UBE3C: variants seen among roughly 807,000 people sequenced by gnomAD.
UBE3C encodes the protein ubiquitin-protein ligase E3C.
UBE3C carries 42 observed loss-of-function variants against 129.4 expected under a neutral mutation model. The ratio of observed to expected loss-of-function variants is 0.32; its 90% CI spans 0.25 to 0.42. UBE3C has a LOEUF of 0.42. UBE3C is among the 10% of genes least tolerant of loss of function. The probability of loss-of-function intolerance (pLI) is 1.00; values close to 1 mark genes in which losing one functional copy is unlikely to be tolerated. For missense variants in UBE3C, 1,049 were observed against 1,319.1 expected, an observed-to-expected ratio of 0.80 and a Z score of 3.17; for synonymous variants, 510 against 492.4, an observed-to-expected ratio of 1.04 and a Z score of -0.47.
intron 10 of UBE3C, among the ~76,000 whole-genome samples, chr7:157,196,529 C>A (rs1809125108): frequency 6.6e-6 from 1 of 152,120 alleles, no homozygotes; most frequent in African/African-American, 2.4e-5. Flanking sequence ...AGGTTGAGCA[C>A]ATAGAAGAGT....
chr7:157,224,087 C>T (rs888717052), intron 16 of UBE3C, among the ~76,000 whole-genome samples: 1 of 152,126 alleles, frequency 6.6e-6, no homozygotes, highest in African/African-American at 2.4e-5. Flanking sequence ...TAGCTCACAG[C>T]AGCCTCAAAC....
intron 9 of UBE3C, among the ~76,000 whole-genome samples, chr7:157,185,666 C>A (rs1323349873): frequency 6.6e-6 from 1 of 152,122 alleles, no homozygotes; most frequent in Non-Finnish European, 1.5e-5. Flanking sequence ...GGTCAAAGTT[C>A]ACCCTTGATA....
intron 17 of UBE3C, among the ~76,000 whole-genome samples, chr7:157,229,849 G>A (rs1291017982): frequency 1.3e-5 from 2 of 152,192 alleles, no homozygotes; most frequent in Non-Finnish European, 2.9e-5. Context: ...CTGGCCTCAG[G>A]CAGTCCTTCT....
At chr7:157,148,935 T>C (rs1459127320) in intron 1 of UBE3C, among the ~76,000 whole-genome samples, 1 of 152,140 alleles carries the variant, frequency 6.6e-6, no homozygotes, top group Admixed American at 6.5e-5. Flanking sequence ...AAAATGTTAA[T>C]TGACTGTCAG....
At chr7:157,218,735 CTG>C (rs1288625643) in intron 14 of UBE3C, among the ~76,000 whole-genome samples, 1 of 152,078 alleles carries the variant, frequency 6.6e-6, no homozygotes, top group Non-Finnish European at 1.5e-5. Context: ...GTGGAGTGCT[CTG>C]TCATGCTGGA....
At chr7:157,257,919 G>A (rs1272373566) in intron 22 of UBE3C, among the ~76,000 whole-genome samples, 1 of 150,496 alleles carries the variant, frequency 6.6e-6, no homozygotes, top group Non-Finnish European at 1.5e-5. Flanking sequence ...AAACTTCATA[G>A]GCATTCACTT....
At chr7:157,164,583 G>A (rs1808163398) in intron 2 of UBE3C, 1 of 377,154 alleles carries the variant, frequency 2.7e-6, no homozygotes, top group South Asian at 2.0e-5. Flanking sequence ...GTTATATCTT[G>A]TGATAGTTTC....
chr7:157,179,872 A>C (rs996968498), intron 6 of UBE3C, among the ~76,000 whole-genome samples: 45 of 152,214 alleles, frequency 3.0e-4, no homozygotes, highest in African/African-American at 9.9e-4. Context: ...TAGTTTGTTG[A>C]AAACTTAGGG....
chr7:157,173,208 AAAAC>A (rs757095865), intron 4 of UBE3C, among the ~76,000 whole-genome samples: 11 of 152,152 alleles, frequency 7.2e-5, no homozygotes, highest in Non-Finnish European at 1.6e-4. Flanking sequence ...CCCCACCTGT[AAAAC>A]AAAGCAAAAA....
intron 13 of UBE3C, among the ~76,000 whole-genome samples, chr7:157,210,599 CTA>C (rs1280428824): frequency 6.6e-6 from 1 of 152,174 alleles, no homozygotes; most frequent in African/African-American, 2.4e-5. Flanking sequence ...GAACCAGCTG[CTA>C]TTCTACACTC....
chr7:157,226,260 AGT>A (rs1795875735), intron 17 of UBE3C, among the ~76,000 whole-genome samples: 1 of 152,220 alleles, frequency 6.6e-6, no homozygotes, highest in Non-Finnish European at 1.5e-5. Context: ...TGAAAAGATA[AGT>A]GTGCTCCAAT....
chr7:157,211,890 G>C (rs1231617397), intron 13 of UBE3C, among the ~76,000 whole-genome samples: 2 of 152,178 alleles, frequency 1.3e-5, no homozygotes, highest in East Asian at 3.9e-4. Context: ...GTGGGAAACA[G>C]CAAACCACAG....
At chr7:157,244,148 T>C (rs1796416507) in intron 18 of UBE3C, among the ~76,000 whole-genome samples, 1 of 152,136 alleles carries the variant, frequency 6.6e-6, no homozygotes, top group Non-Finnish European at 1.5e-5. Flanking sequence ...GAGAATCGCT[T>C]GAACCCAGGA....
At chr7:157,176,372 T>C (rs1188902876) in intron 5 of UBE3C, among the ~76,000 whole-genome samples, 1 of 152,198 alleles carries the variant, frequency 6.6e-6, no homozygotes, top group Non-Finnish European at 1.5e-5. Context: ...CCTCCTGGGT[T>C]CAAGCAGTTC....
At chr7:157,261,344 A>G (rs1378676556) in intron 22 of UBE3C, among the ~76,000 whole-genome samples, 2 of 148,702 alleles carry the variant, frequency 1.3e-5, no homozygotes, top group Non-Finnish European at 3.0e-5. Context: ...AAAAAATCCC[A>G]AATAGACTAA....
chr7:157,191,249 G>A (rs952102523), intron 10 of UBE3C, among the ~76,000 whole-genome samples: 3 of 152,270 alleles, frequency 2.0e-5, no homozygotes, highest in East Asian at 3.9e-4. Flanking sequence ...CTGTGCACGC[G>A]CGTGTGTATG....
rs1300025136 is a variant in UBE3C, at chr7:157,154,225, G to A, written c.67-9585G>A. ...AATCCCAGCAACTTGGGAGACTGAG[G>A]CGGAGAATTGCTTGAACCTGGGAGG... On this transcript the variant is annotated intron_variant, in intron 1 of 22. Transcript: ENST00000348165. Among the ~76,000 whole-genome samples, 3 of 151,840 alleles carry A rather than the reference G, an allele frequency of 2.0e-5. 1 individual carries two copies. The highest frequency in any genetic ancestry group is 3.9e-4 in the East Asian group (2 of 5,162).
intron 15 of UBE3C, chr7:157,221,623 T>G (rs918680482): frequency 6.6e-6 from 1 of 152,118 alleles, no homozygotes; most frequent in African/African-American, 2.4e-5. Flanking sequence ...GCACCTGTAA[T>G]CTCAGCTACT....
At chr7:157,240,706 C>CAAGGG (rs1202425537) in intron 18 of UBE3C, among the ~76,000 whole-genome samples, 1 of 152,096 alleles carries the variant, frequency 6.6e-6, no homozygotes, top group Non-Finnish European at 1.5e-5. Context: ...GATTTGAGGG[C>CAAGGG]AAGGGAAGCT....
Sources: allele counts gnomAD v4.1 joint callset (sites outside exome capture counted in the v4.1 genomes callset), GRCh38; gene constraint gnomAD v4.1.1; transcripts MANE v1.5; gene names NCBI Gene and HGNC (gene_info 2026-07-23, HGNC 2026-07-21).